ADGRL3: variants seen among roughly 807,000 people sequenced by gnomAD.
ADGRL3 encodes the protein calcium-independent alpha-latrotoxin receptor 3.
A neutral mutation model predicts 153.5 loss-of-function variants in ADGRL3; 62 were observed. That is an observed-to-expected ratio of 0.40 (90% CI 0.33 to 0.50). The LOEUF is 0.50. Ranked by LOEUF, ADGRL3 falls within the 20% of genes least tolerant of loss-of-function variation. The pLI is 0.47. For synonymous variants in ADGRL3, 710 were observed against 672.5 expected, an observed-to-expected ratio of 1.06 and a Z score of -0.86; for missense variants, 1,641 against 1,859.4, an observed-to-expected ratio of 0.88 and a Z score of 2.16.
chr4:61,653,913 G>C (rs559233244), intron 5 of ADGRL3, among the ~76,000 whole-genome samples: 1 of 152,080 alleles, frequency 6.6e-6, no homozygotes, highest in African/African-American at 2.4e-5. Flanking sequence ...GTTCTTATAG[G>C]AGTAAATACT....
rs1039489160 is a variant in ADGRL3 at position 61,757,598 on chromosome 4, GT to G, written c.1399+24051del. On this transcript the variant is annotated intron_variant, in intron 8 of 26. Transcript: ENST00000683033. ...CCTGGATTCATTGATTTTTTGAAGG[GT>G]TTTTTTGTGTCTCTATTTCCTTCAG... 1.8e-4 allele frequency among the ~76,000 whole-genome samples: 27 copies of G among 152,036 alleles called. No homozygotes were observed. The South Asian group carries it at 3.7e-3, about 21-fold the overall frequency.
intron 1 of ADGRL3, among the ~76,000 whole-genome samples, chr4:61,255,709 A>G (rs2091895698): frequency 6.6e-6 from 1 of 152,130 alleles, no homozygotes; most frequent in African/African-American, 2.4e-5. Flanking sequence ...CAGGTAGGAA[A>G]TTAGTCTTGG....
intron 9 of ADGRL3, among the ~76,000 whole-genome samples, chr4:61,861,800 C>T (rs1040589200): frequency 3.9e-5 from 6 of 151,932 alleles, no homozygotes; most frequent in African/African-American, 1.4e-4. Context: ...TGGAGTCATC[C>T]AGGAGGTCCT....
intron 5 of ADGRL3, among the ~76,000 whole-genome samples, chr4:61,634,609 A>G (rs2093336800): frequency 1.3e-5 from 2 of 152,186 alleles, no homozygotes; most frequent in South Asian, 4.1e-4. Context: ...GCTCCGAAGA[A>G]AAAAGAAATG....
At chr4:61,393,885 G>A (rs904365353) in intron 2 of ADGRL3, among the ~76,000 whole-genome samples, 1 of 152,058 alleles carries the variant, frequency 6.6e-6, no homozygotes, top group Non-Finnish European at 1.5e-5. Flanking sequence ...CTGTGTTGTG[G>A]AGTAATAATG....
rs918846559 is a variant in ADGRL3 at position 62,071,118 on chromosome 4, A to G, written c.*210A>G. 5 of 487,550 alleles carry G rather than the reference A, an allele frequency of 1.0e-5. No homozygotes were observed. The highest frequency in any genetic ancestry group is 7.1e-5 in the Admixed American group (2 of 28,050). 30.2% of individuals were successfully genotyped at this position (487,550 alleles called of 1,614,324 possible). ...AACTGCTAAAATTCCCCTGTACCCC[A>G]TCCTTTCTTGTCCTTTCCCCTTCAG... On this transcript the variant is annotated 3_prime_UTR_variant, in exon 27 of 27. Transcript: ENST00000683033.
chr4:62,067,704 T>G (rs1230524661), intron 25 of ADGRL3, among the ~76,000 whole-genome samples: 2 of 152,108 alleles, frequency 1.3e-5, no homozygotes, highest in Admixed American at 1.3e-4. Context: ...GGTTTCTCTC[T>G]GTATAAAAGC....
intron 1 of ADGRL3, among the ~76,000 whole-genome samples, chr4:61,317,991 C>CA (rs2095262709): frequency 6.6e-6 from 1 of 151,854 alleles, no homozygotes; most frequent in African/African-American, 2.4e-5. Flanking sequence ...GACTGGCCAA[C>CA]ATGGTGAAAC....
At chr4:61,522,391 A>G (rs2098536729) in intron 4 of ADGRL3, among the ~76,000 whole-genome samples, 1 of 152,122 alleles carries the variant, frequency 6.6e-6, no homozygotes, top group Non-Finnish European at 1.5e-5. Context: ...TGACAGTGTA[A>G]AGTGATGCTT....
chr4:61,559,802 G>A (rs2098786561), intron 4 of ADGRL3, among the ~76,000 whole-genome samples: 1 of 149,984 alleles, frequency 6.7e-6, no homozygotes, highest in Admixed American at 6.7e-5. Context: ...GGGTACTTAG[G>A]CAAAACCATA....
At chr4:61,962,918 A>G (rs780269049) in intron 17 of ADGRL3, among the ~76,000 whole-genome samples, 7 of 152,290 alleles carry the variant, frequency 4.6e-5, no homozygotes, top group East Asian at 1.9e-4. Flanking sequence ...ATTTAGTAGT[A>G]TAGACAACTT....
At chr4:61,757,822 C>T (rs1017875035) in intron 8 of ADGRL3, among the ~76,000 whole-genome samples, 1 of 152,122 alleles carries the variant, frequency 6.6e-6, no homozygotes. Flanking sequence ...TATGTTGTGT[C>T]TTTTTTCTCG....
intron 2 of ADGRL3, among the ~76,000 whole-genome samples, chr4:61,391,610 A>C (rs1441177777): frequency 1.3e-5 from 2 of 152,100 alleles, no homozygotes; most frequent in Admixed American, 1.3e-4. Context: ...TGCTGGTCAT[A>C]TAGTAAGTCT....
At chr4:61,748,294 T>C (rs1170643690) in intron 8 of ADGRL3, among the ~76,000 whole-genome samples, 1 of 152,150 alleles carries the variant, frequency 6.6e-6, no homozygotes, top group Non-Finnish European at 1.5e-5. Flanking sequence ...CAAGGTAATT[T>C]ATAGATTCAA....
chr4:61,926,998 C>A (rs1434452677), intron 13 of ADGRL3, among the ~76,000 whole-genome samples: 2 of 152,170 alleles, frequency 1.3e-5, no homozygotes, highest in African/African-American at 2.4e-5. Context: ...TCTTGGAATT[C>A]TCCTACTTCA....
At chr4:61,915,753 T>C (rs2098742343) in intron 13 of ADGRL3, among the ~76,000 whole-genome samples, 1 of 152,206 alleles carries the variant, frequency 6.6e-6, no homozygotes, top group Non-Finnish European at 1.5e-5. Context: ...AATAATCCTT[T>C]AAACTTTAGT....
intron 6 of ADGRL3, among the ~76,000 whole-genome samples, chr4:61,697,256 T>C (rs2151237451): frequency 6.6e-6 from 1 of 152,218 alleles, no homozygotes; most frequent in Admixed American, 6.5e-5. Context: ...CAAATATTTT[T>C]AAATAAATGT....
chr4:61,826,752 C>T (rs2097805915), intron 9 of ADGRL3, among the ~76,000 whole-genome samples: 1 of 151,840 alleles, frequency 6.6e-6, no homozygotes, highest in Non-Finnish European at 1.5e-5. Flanking sequence ...GTGGCCTTTC[C>T]TTAAAATTTT....
intron 6 of ADGRL3, among the ~76,000 whole-genome samples, chr4:61,713,496 T>C (rs2096044083): frequency 6.6e-6 from 1 of 151,990 alleles, no homozygotes; most frequent in Admixed American, 6.6e-5. Flanking sequence ...TCTAGGTCTA[T>C]TATATTCTCT....
Sources: allele counts gnomAD v4.1 joint callset (sites outside exome capture counted in the v4.1 genomes callset), GRCh38; gene constraint gnomAD v4.1.1; transcripts MANE v1.5; gene names NCBI Gene and HGNC (gene_info 2026-07-23, HGNC 2026-07-21).